Variants in ESRRG observed in about 807,000 individuals in gnomAD.
ESRRG encodes the protein estrogen-related receptor gamma.
Under a neutral mutation model 44.0 loss-of-function variants are expected in ESRRG, and 13 were observed. The observed-to-expected ratio is 0.30, with a 90% CI of 0.19 to 0.47. The LOEUF (loss-of-function observed/expected upper bound fraction) is 0.47, where lower values mean the gene tolerates loss of function less well. ESRRG is among the 20% of genes least tolerant of loss of function. The pLI, the probability that ESRRG is intolerant of heterozygous loss-of-function variation, is 1.00. For missense variants in ESRRG, 395 were observed against 580.6 expected, an observed-to-expected ratio of 0.68 and a Z score of 3.29; for synonymous variants, 215 against 214.6, an observed-to-expected ratio of 1.00 and a Z score of -0.02.
At chr1:216,900,166 G>A (rs984437338) in intron 2 of ESRRG, among the ~76,000 whole-genome samples, 2 of 152,096 alleles carry the variant, frequency 1.3e-5, no homozygotes, top group African/African-American at 4.8e-5. Context: ...ATAAGGCATG[G>A]ATATCCCATA....
At chr1:216,914,016 A>T (rs2060818376) in intron 2 of ESRRG, among the ~76,000 whole-genome samples, 1 of 152,216 alleles carries the variant, frequency 6.6e-6, no homozygotes, top group Non-Finnish European at 1.5e-5. Context: ...GACAACATGG[A>T]AAGTACCGGA....
chr1:216,797,839 A>G (rs550924532), intron 2 of ESRRG, among the ~76,000 whole-genome samples: 56 of 151,910 alleles, frequency 3.7e-4, no homozygotes, highest in African/African-American at 1.2e-3. Context: ...ACTCTTTTCC[A>G]CCCCTTATTT....
chr1:217,085,638 G>C (rs777212897), intron 1 of ESRRG, among the ~76,000 whole-genome samples: 1 of 151,334 alleles, frequency 6.6e-6, no homozygotes, highest in Non-Finnish European at 1.5e-5. Context: ...TTACAGGTGC[G>C]CACCACCACA....
intron 1 of ESRRG, among the ~76,000 whole-genome samples, chr1:217,120,200 T>C (rs2092801339): frequency 6.6e-6 from 1 of 152,128 alleles, no homozygotes; most frequent in African/African-American, 2.4e-5. Context: ...CATGACCACC[T>C]TTGCCATACA....
At chr1:216,571,574 G>T (rs139570951) in intron 3 of ESRRG, among the ~76,000 whole-genome samples, 1 of 152,024 alleles carries the variant, frequency 6.6e-6, no homozygotes, top group African/African-American at 2.4e-5. Flanking sequence ...TATTCCATGC[G>T]TCACAAATCT....
At chr1:216,733,987 TAAAAA>T (rs397796087) in intron 2 of ESRRG, among the ~76,000 whole-genome samples, 9 of 107,240 alleles carry the variant, frequency 8.4e-5, no homozygotes, top group African/African-American at 1.4e-4. Flanking sequence ...CAAGACTCTG[TAAAAA>T]AAAAAAAAAA....
chr1:216,897,366 T>C (rs1248556770), intron 2 of ESRRG, among the ~76,000 whole-genome samples: 4 of 152,076 alleles, frequency 2.6e-5, no homozygotes, highest in Admixed American at 2.6e-4. Context: ...AGATTCAGAG[T>C]CCTGAGCCAC....
chr1:216,758,861 T>C (rs1287152902), intron 2 of ESRRG, among the ~76,000 whole-genome samples: 1 of 152,030 alleles, frequency 6.6e-6, no homozygotes, highest in Admixed American at 6.6e-5. Context: ...ATAATATTAT[T>C]ATTTAGCATA....
intron 1 of ESRRG, among the ~76,000 whole-genome samples, chr1:216,690,593 G>A (rs1297180196): frequency 6.6e-6 from 1 of 152,030 alleles, no homozygotes; most frequent in Non-Finnish European, 1.5e-5. Context: ...ATGTCTTGTT[G>A]TAAACTGTAT....
chr1:216,561,269 T>C (rs12127486), intron 5 of ESRRG, among the ~76,000 whole-genome samples: 38,005 of 151,992 alleles, frequency 0.25, 4,808 homozygotes, highest in Non-Finnish European at 0.27. Context: ...ATGCTAAACT[T>C]AATTTTAAAA....
chr1:216,876,976 A>ATGTG (rs61039286), intron 2 of ESRRG, among the ~76,000 whole-genome samples: 29,694 of 145,304 alleles, frequency 0.2, 3,209 homozygotes, highest in South Asian at 0.26. Context: ...CTCTTCACTA[A>ATGTG]TGTGTGTGTG....
At chr1:217,076,925 G>A (rs1276895943) in intron 1 of ESRRG, 2 of 152,170 alleles carry the variant, frequency 1.3e-5, no homozygotes, top group Non-Finnish European at 2.9e-5. Context: ...AGCACAGAGT[G>A]GGACCTGCCA....
chr1:216,872,417 C>G (rs1185737098), intron 2 of ESRRG, among the ~76,000 whole-genome samples: 4 of 152,158 alleles, frequency 2.6e-5, no homozygotes, highest in Non-Finnish European at 4.4e-5. Context: ...CATTCTAGAA[C>G]TCCTACGATG....
At chr1:216,709,439 A>C (rs1281782756) in intron 1 of ESRRG, among the ~76,000 whole-genome samples, 2 of 151,630 alleles carry the variant, frequency 1.3e-5, no homozygotes, top group African/African-American at 4.8e-5. Flanking sequence ...CTGAAGTTTC[A>C]AAATACATGT....
intron 2 of ESRRG, among the ~76,000 whole-genome samples, chr1:216,806,069 T>C (rs1038712737): frequency 4.6e-5 from 7 of 152,186 alleles, no homozygotes; most frequent in African/African-American, 1.7e-4. Flanking sequence ...CAGACTACTG[T>C]TAACATCCAG....
chr1:217,110,576 A>G (rs1412928893), intron 1 of ESRRG, among the ~76,000 whole-genome samples: 1 of 152,198 alleles, frequency 6.6e-6, no homozygotes, highest in Non-Finnish European at 1.5e-5. Flanking sequence ...GAAGCTTACA[A>G]TCATGGTGGA....
chr1:216,658,797 C>T (rs185066633), intron 2 of ESRRG, among the ~76,000 whole-genome samples: 6 of 151,350 alleles, frequency 4.0e-5, no homozygotes, highest in Admixed American at 2.6e-4. Flanking sequence ...CGTGCCACTG[C>T]AGCCCAGCCT....
At chr1:216,764,870 G>A (rs1446362951) in intron 2 of ESRRG, among the ~76,000 whole-genome samples, 1 of 151,438 alleles carries the variant, frequency 6.6e-6, no homozygotes, top group East Asian at 1.9e-4. Context: ...GTGAAGAGCA[G>A]TGGAACTAGT....
At chr1:216,648,834 C>T (rs1430981665) in intron 3 of ESRRG, among the ~76,000 whole-genome samples, 5 of 151,914 alleles carry the variant, frequency 3.3e-5, no homozygotes, top group Admixed American at 6.6e-5. Flanking sequence ...AATAATGATT[C>T]CTCAACTTTC....
Sources: gnomAD v4.1 joint callset for allele counts (sites outside exome capture counted in the v4.1 genomes callset) on GRCh38, gnomAD v4.1.1 for gene constraint, MANE v1.5 for transcripts, NCBI Gene and HGNC (gene_info 2026-07-23, HGNC 2026-07-21) for gene names.